TMEM117: variants seen among roughly 807,000 people sequenced by gnomAD.
TMEM117 encodes transmembrane protein 117.
Under a neutral mutation model 52.4 loss-of-function variants are expected in TMEM117, and 27 were observed. The observed-to-expected ratio is 0.51, with a 90% confidence interval of 0.38 to 0.71. The LOEUF (loss-of-function observed/expected upper bound fraction) is 0.71. TMEM117 is among the 30% of genes least tolerant of loss of function. TMEM117 has a pLI of 0.00. For missense variants in TMEM117, 556 were observed against 630.5 expected (o/e 0.88, Z 1.26); for synonymous variants, 215 against 206.3 (o/e 1.04, Z -0.36).
At chr12:43,913,943 A>G (rs1468953197) in intron 2 of TMEM117, among the ~76,000 whole-genome samples, 2 of 152,126 alleles carry the variant, frequency 1.3e-5, no homozygotes, top group Non-Finnish European at 2.9e-5. Context: ...TTTTCCGTTT[A>G]TATTGATGTA....
intron 3 of TMEM117, among the ~76,000 whole-genome samples, chr12:43,979,336 G>A (rs1477308933): frequency 6.6e-6 from 1 of 152,164 alleles, no homozygotes; most frequent in Admixed American, 6.5e-5. Context: ...CTCCACTGGG[G>A]CTGCTAGTAA....
intron 5 of TMEM117, among the ~76,000 whole-genome samples, chr12:44,291,913 T>A (rs1385185726): frequency 6.6e-6 from 1 of 152,088 alleles, no homozygotes; most frequent in Non-Finnish European, 1.5e-5. Flanking sequence ...AATGTTTGTA[T>A]TTATATTCAT....
In TMEM117 at chr12:44,311,122, A is replaced by G. The variant is rs1050075309; in HGVS notation, c.768+11383A>G. Among the ~76,000 whole-genome samples, 6 of 152,234 alleles carry G rather than the reference A, an allele frequency of 3.9e-5. No individual in the cohort carries two copies. The East Asian group carries it at 1.2e-3, about 29-fold the overall frequency. On this transcript the variant is annotated intron_variant, in intron 6 of 7. Transcript: ENST00000266534. ...ATCACTACTGTTGTGTATTTGTGGA[A>G]AGCTGAAAAATAAAACTAAATATAT...
At chr12:44,227,992 G>A (rs1003280050) in intron 5 of TMEM117, among the ~76,000 whole-genome samples, 2 of 143,906 alleles carry the variant, frequency 1.4e-5, no homozygotes, top group African/African-American at 5.0e-5. Flanking sequence ...TTGACAAGAT[G>A]ACTTAGAGAG....
intron 3 of TMEM117, among the ~76,000 whole-genome samples, chr12:44,052,251 C>G (rs1946985755): frequency 6.6e-6 from 1 of 152,032 alleles, no homozygotes; most frequent in Non-Finnish European, 1.5e-5. Context: ...CTTCTTTGAC[C>G]AAAAAGAGGC....
the TMEM117 span, among the ~76,000 whole-genome samples, chr12:44,397,623 GA>G: frequency 6.6e-6 from 1 of 152,136 alleles, no homozygotes. Context: ...TTTACATGTT[GA>G]AAACATCAAT....
chr12:44,188,881 G>A (rs1001008284), intron 4 of TMEM117, among the ~76,000 whole-genome samples: 4 of 151,568 alleles, frequency 2.6e-5, no homozygotes, highest in African/African-American at 9.7e-5. Context: ...TGTTTTTATT[G>A]ATGTAGCCCC....
At chr12:44,248,857 C>A in intron 5 of TMEM117, 1 of 157,736 alleles carries the variant, frequency 6.3e-6, no homozygotes. Context: ...TTGGCATTAG[C>A]CACTGTTTGT....
At chr12:44,212,361 G>T (rs1052725524) in intron 5 of TMEM117, among the ~76,000 whole-genome samples, 16 of 152,130 alleles carry the variant, frequency 1.1e-4, no homozygotes, top group African/African-American at 3.9e-4. Context: ...GTATTGCAGT[G>T]CTGTGTCCAA....
chr12:43,988,635 C>G (rs921655825), intron 3 of TMEM117, among the ~76,000 whole-genome samples: 1 of 151,950 alleles, frequency 6.6e-6, no homozygotes, highest in Non-Finnish European at 1.5e-5. Context: ...TGGGGTGTGT[C>G]AGTAAGAGTT....
intron 2 of TMEM117, among the ~76,000 whole-genome samples, chr12:43,900,598 A>G (rs1208090242): frequency 1.3e-5 from 2 of 152,002 alleles, no homozygotes; most frequent in East Asian, 3.9e-4. Flanking sequence ...CATGCCTGTA[A>G]TCCCAGCTAC....
the TMEM117 span, chr12:43,806,073 G>T: frequency 1.3e-6 from 2 of 1,517,016 alleles, no homozygotes; most frequent in Non-Finnish European, 1.8e-6. Context: ...AAGCAGGAGC[G>T]CGGAGAGGCG....
At chr12:43,937,712 AT>A (rs1173704713) in intron 2 of TMEM117, among the ~76,000 whole-genome samples, 1 of 152,156 alleles carries the variant, frequency 6.6e-6, no homozygotes, top group Non-Finnish European at 1.5e-5. Context: ...GTGGAATATT[AT>A]TTGTTCATTT....
At chr12:43,874,503 A>G (rs1201470091) in intron 2 of TMEM117, among the ~76,000 whole-genome samples, 8 of 152,118 alleles carry the variant, frequency 5.3e-5, no homozygotes, top group African/African-American at 1.7e-4. Context: ...AGGCAGGAGA[A>G]TCGCTTGAAC....
chr12:44,326,655 C>T (rs1464184846), intron 6 of TMEM117, among the ~76,000 whole-genome samples: 1 of 152,162 alleles, frequency 6.6e-6, no homozygotes, highest in Non-Finnish European at 1.5e-5. Context: ...GTGAGTTTTC[C>T]TTTATAAAAC....
At chr12:43,879,565 C>T (rs1019853798) in intron 2 of TMEM117, among the ~76,000 whole-genome samples, 2 of 152,232 alleles carry the variant, frequency 1.3e-5, no homozygotes, top group East Asian at 3.9e-4. Flanking sequence ...TGTGCCTCCT[C>T]CTAATTCTGG....
intron 3 of TMEM117, chr12:44,008,972 T>G: frequency 5.3e-6 from 2 of 374,734 alleles, no homozygotes; most frequent in African/African-American, 2.2e-5. Flanking sequence ...TTGGTGACGC[T>G]TATAGGTCTT....
At chr12:44,084,849 C>T (rs1947540447) in intron 3 of TMEM117, among the ~76,000 whole-genome samples, 1 of 152,120 alleles carries the variant, frequency 6.6e-6, no homozygotes, top group African/African-American at 2.4e-5. Flanking sequence ...ACCAGTGCTC[C>T]CCAGGTGATG....
chr12:44,123,150 T>C (rs953579065), intron 3 of TMEM117, among the ~76,000 whole-genome samples: 4 of 152,046 alleles, frequency 2.6e-5, no homozygotes, highest in African/African-American at 9.7e-5. Flanking sequence ...TTTGCATTTC[T>C]CTAATAATCG....
Sources: allele counts gnomAD v4.1 joint callset (sites outside exome capture counted in the v4.1 genomes callset), GRCh38; gene constraint gnomAD v4.1.1; transcripts MANE v1.5; gene names NCBI Gene and HGNC (gene_info 2026-07-23, HGNC 2026-07-21).